Variants in MAP7 observed in about 807,000 individuals in gnomAD.
MAP7 encodes ensconsin.
MAP7 carries 52 observed loss-of-function variants against 94.8 expected under a neutral mutation model. That is an observed-to-expected ratio of 0.55 (90% confidence interval 0.44 to 0.69). The LOEUF (loss-of-function observed/expected upper bound fraction) is 0.69. Among genes scored for constraint, MAP7 ranks in the 30% least tolerant of loss-of-function variants. MAP7 has a pLI of 0.00. For synonymous variants in MAP7, 350 were observed against 357.0 expected (o/e 0.98, Z 0.22); for missense variants, 940 against 964.6 (o/e 0.97, Z 0.34).
intron 8 of MAP7, among the ~76,000 whole-genome samples, chr6:136,366,723 TTG>T (rs1404238122): frequency 6.6e-6 from 1 of 151,936 alleles, no homozygotes; most frequent in African/African-American, 2.4e-5. Context: ...CACCTATACT[TTG>T]TGTCTAAAAT....
Position 136,484,908 on chromosome 6 carries a change from T to C in MAP7, c.68-63109A>G, listed in dbSNP as rs1218926449. Among the ~76,000 whole-genome samples, 11 of 152,170 alleles carry C rather than the reference T, an allele frequency of 7.2e-5. 1 individual carries two copies. In the South Asian group the frequency reaches 2.3e-3, roughly 32 times the overall value. On this transcript the variant is annotated intron_variant, in intron 1 of 17. Transcript: ENST00000354570. The stretch of plus-strand genomic sequence containing the variant: ...AAGGGTCTTACTATGTTTCCCAACC[T>C]GGTCTTGAACTCCTGGCCTCAAATG...
At chr6:136,423,968 T>G (rs1053853443) in intron 1 of MAP7, among the ~76,000 whole-genome samples, 1 of 151,980 alleles carries the variant, frequency 6.6e-6, no homozygotes, top group African/African-American at 2.4e-5. Flanking sequence ...GATAATTTTT[T>G]TGTATTTTTA....
intron 1 of MAP7, among the ~76,000 whole-genome samples, chr6:136,493,121 CT>C (rs397795796): frequency 1.2e-3 from 147 of 123,324 alleles, no homozygotes; most frequent in East Asian, 0.011. Flanking sequence ...TTCTTCTTTC[CT>C]TTTTTTTTTT....
At chr6:136,440,040 T>G (rs1582916328) in intron 1 of MAP7, among the ~76,000 whole-genome samples, 1 of 152,190 alleles carries the variant, frequency 6.6e-6, no homozygotes, top group African/African-American at 2.4e-5. Flanking sequence ...TTAGCTTGGT[T>G]GGCTAGAGCA....
intron 11 of MAP7, among the ~76,000 whole-genome samples, chr6:136,361,510 T>G (rs1792760468): frequency 6.6e-6 from 1 of 152,244 alleles, no homozygotes. Context: ...GTAATGAATT[T>G]GAAGCACCCC....
chr6:136,461,512 T>C (rs1805200894), intron 1 of MAP7, among the ~76,000 whole-genome samples: 1 of 152,216 alleles, frequency 6.6e-6, no homozygotes, highest in African/African-American at 2.4e-5. Context: ...GTAGAAAGCT[T>C]AAATATTAAC....
chr6:136,512,736 T>C (rs147291372), intron 1 of MAP7, among the ~76,000 whole-genome samples: 1 of 152,302 alleles, frequency 6.6e-6, no homozygotes, highest in East Asian at 1.9e-4. Context: ...TAGTGAGTTG[T>C]AATCTTTTTG....
intron 1 of MAP7, among the ~76,000 whole-genome samples, chr6:136,479,656 A>G (rs1241208159): frequency 6.6e-6 from 1 of 152,226 alleles, no homozygotes; most frequent in African/African-American, 2.4e-5. Flanking sequence ...CAAATTTAGT[A>G]AAGTTGCAGG....
chr6:136,520,509 T>C (rs1826095110), intron 1 of MAP7, among the ~76,000 whole-genome samples: 1 of 152,134 alleles, frequency 6.6e-6, no homozygotes, highest in Admixed American at 6.5e-5. Context: ...GAGGAGTGAG[T>C]CCTGGCCCTT....
At chr6:136,536,965 T>C (rs1465448195) in intron 1 of MAP7, among the ~76,000 whole-genome samples, 1 of 152,190 alleles carries the variant, frequency 6.6e-6, no homozygotes, top group Non-Finnish European at 1.5e-5. Context: ...CTTTTGCCCC[T>C]TCCTTCTGGC....
At chr6:136,442,398 C>CTTT (rs1326037256) in intron 1 of MAP7, among the ~76,000 whole-genome samples, 1 of 89,670 alleles carries the variant, frequency 1.1e-5, no homozygotes, top group Non-Finnish European at 2.4e-5. Flanking sequence ...GAGTAAGACT[C>CTTT]TGTCTCCAAA....
At chr6:136,372,443 C>G in intron 8 of MAP7, 58 bp downstream of exon 8, 1 of 1,604,506 alleles carries the variant, frequency 6.2e-7, no homozygotes, top group Non-Finnish European at 8.5e-7. Flanking sequence ...CATGTACAGT[C>G]TGCACAGGAA....
intron 1 of MAP7, among the ~76,000 whole-genome samples, chr6:136,489,773 C>T (rs1408955912): frequency 6.6e-6 from 1 of 152,028 alleles, no homozygotes; most frequent in Non-Finnish European, 1.5e-5. Context: ...AGGTGATCCA[C>T]CCACCTTGGC....
At chr6:136,429,732 C>T (rs1191393396) in intron 1 of MAP7, among the ~76,000 whole-genome samples, 1 of 152,142 alleles carries the variant, frequency 6.6e-6, no homozygotes, top group Non-Finnish European at 1.5e-5. Flanking sequence ...ATAAACATTA[C>T]ACACTTTAAA....
At chr6:136,510,102 TGA>T (rs1197839754) in intron 1 of MAP7, among the ~76,000 whole-genome samples, 1 of 152,112 alleles carries the variant, frequency 6.6e-6, no homozygotes, top group Non-Finnish European at 1.5e-5. Flanking sequence ...CTCGGGAGGC[TGA>T]GACAGGAGAA....
chr6:136,500,832 ATT>A (rs1184289672), intron 1 of MAP7, among the ~76,000 whole-genome samples: 1 of 152,156 alleles, frequency 6.6e-6, no homozygotes, highest in South Asian at 2.1e-4. Flanking sequence ...GAATAAAAAT[ATT>A]TTTGTCACTG....
chr6:136,521,271 G>A (rs1436645341), intron 1 of MAP7, among the ~76,000 whole-genome samples: 1 of 152,154 alleles, frequency 6.6e-6, no homozygotes, highest in East Asian at 1.9e-4. Flanking sequence ...AAGACTCCTA[G>A]TCAAGACCTC....
chr6:136,444,367 G>A (rs1226748513), intron 1 of MAP7, among the ~76,000 whole-genome samples: 5 of 152,222 alleles, frequency 3.3e-5, no homozygotes, highest in African/African-American at 9.6e-5. Flanking sequence ...ACTGCACTAT[G>A]CTACTTTACT....
At chr6:136,384,520 G>A (rs1778654258) in intron 5 of MAP7, among the ~76,000 whole-genome samples, 1 of 151,652 alleles carries the variant, frequency 6.6e-6, no homozygotes, top group Non-Finnish European at 1.5e-5. Flanking sequence ...GGGAGACAGG[G>A]TATTGCTCTG....
Sources: gnomAD v4.1 joint callset for allele counts (sites outside exome capture counted in the v4.1 genomes callset) on GRCh38, gnomAD v4.1.1 for gene constraint, MANE v1.5 for transcripts, NCBI Gene and HGNC (gene_info 2026-07-23, HGNC 2026-07-21) for gene names.